Variants in MGAT4A observed in about 807,000 individuals in gnomAD.
MGAT4A encodes the protein N-acetylglucosaminyltransferase IVa.
MGAT4A carries 33 observed loss-of-function variants against 74.1 expected under a neutral mutation model. The observed-to-expected ratio is 0.45, with a 90% CI of 0.34 to 0.60. The LOEUF is 0.60. Among genes scored for constraint, MGAT4A ranks in the 20% least tolerant of loss-of-function variants. The probability of loss-of-function intolerance (pLI) is 0.02; values close to 1 mark genes in which losing one functional copy is unlikely to be tolerated. For synonymous variants in MGAT4A, 198 were observed against 210.4 expected (o/e 0.94, Z 0.51); for missense variants, 479 against 628.3 (o/e 0.76, Z 2.54).
rs1701008122 is a variant in MGAT4A at position 98,619,111 on chromosome 2, T to G, written c.*6455A>C. The G allele has an allele frequency of 6.5e-6, 1 of 152,702 alleles. No homozygotes were observed. The highest frequency in any genetic ancestry group is 1.9e-4 in the East Asian group (1 of 5,180). The allele number at this position is 152,702 out of a possible 1,614,324, so 9.5% of individuals were successfully genotyped here. On this transcript the variant is annotated 3_prime_UTR_variant, in exon 16 of 16. Transcript: ENST00000393487. ...TAATAATAAAATACTACTCATTAAGTTTCACCTATTTTTATTAGAAGGAAT... is the reference window on the plus strand; with the variant it reads ...TAATAATAAAATACTACTCATTAAGGTTCACCTATTTTTATTAGAAGGAAT...
Position 98,641,995 on chromosome 2 carries a change from C to CA in MGAT4A, c.1021-1768dup, listed in dbSNP as rs576834542. On this transcript the variant is annotated intron_variant, in intron 10 of 15. Transcript: ENST00000393487. The stretch of plus-strand genomic sequence containing the variant: ...GGGTGACAAGAGCAAAACTCTGTCT[C>CA]AAAAAAAAAAAAAAAAGAAATTTAC... Among the ~76,000 whole-genome samples the CA allele has an allele frequency of 9.6e-3, 682 of 70,678 alleles. 2 individuals carry two copies. Among genetic ancestry groups the CA allele is most frequent in the African/African-American group, 0.02 (392 of 19,218 alleles). The allele number at this position is 70,678 out of a possible 152,430, so 46.4% of individuals were successfully genotyped here. A position where few individuals can be genotyped will look rare whatever the true frequency, so the allele number is the denominator to read the frequency against.
rs942895631 is a variant in MGAT4A, at chr2:98,623,456, G to C, written c.*2110C>G. On this transcript the variant is annotated 3_prime_UTR_variant, in exon 16 of 16. Transcript: ENST00000393487. ...CCACCTGCAGAGATTTTTACTTCTGGTACTCAGTTATCTTTGCAGTAATTT... is the reference window on the plus strand; with the variant it reads ...CCACCTGCAGAGATTTTTACTTCTGCTACTCAGTTATCTTTGCAGTAATTT... 1 of 985,390 alleles carries C rather than the reference G, an allele frequency of 1.0e-6. No homozygotes were observed. Among genetic ancestry groups the C allele is most frequent in the Non-Finnish European group, 1.2e-6 (1 of 829,912 alleles). The allele number at this position is 985,390 out of a possible 1,614,324, so 61.0% of individuals were successfully genotyped here. A position where few individuals can be genotyped will look rare whatever the true frequency, so the allele number is the denominator to read the frequency against.
At chr2:98,650,630 ATAT>A (rs1424269127) in intron 8 of MGAT4A, among the ~76,000 whole-genome samples, 1 of 152,182 alleles carries the variant, frequency 6.6e-6, no homozygotes, top group African/African-American at 2.4e-5. Context: ...CCAGCCAAGA[ATAT>A]TATATCTGAC....
At chr2:98,663,438 C>A in intron 4 of MGAT4A, 1 of 1,486,018 alleles carries the variant, frequency 6.7e-7, no homozygotes, top group East Asian at 2.5e-5. Flanking sequence ...AAATGAATGG[C>A]TGCGAAGTAT....
At chr2:98,634,279 G>A (rs1244256327) in intron 14 of MGAT4A, among the ~76,000 whole-genome samples, 1 of 152,130 alleles carries the variant, frequency 6.6e-6, no homozygotes, top group Non-Finnish European at 1.5e-5. Flanking sequence ...TGAAGAGCAG[G>A]GAAGCGAGGC....
chr2:98,678,248 A>G (rs1317763282), intron 3 of MGAT4A, 56 bp downstream of exon 3: 1 of 379,578 alleles, frequency 2.6e-6, no homozygotes, highest in East Asian at 1.0e-4. Context: ...AAAAAAAAAA[A>G]AATATATATA....
At chr2:98,681,982 G>C (rs1372158863) in intron 2 of MGAT4A, among the ~76,000 whole-genome samples, 1 of 152,054 alleles carries the variant, frequency 6.6e-6, no homozygotes, top group South Asian at 2.1e-4. Context: ...AATATCGATG[G>C]TAATGGATTA....
intron 2 of MGAT4A, among the ~76,000 whole-genome samples, chr2:98,715,759 T>C (rs1283633708): frequency 1.3e-5 from 2 of 152,144 alleles, no homozygotes; most frequent in Admixed American, 6.5e-5. Context: ...ATGCAACAGA[T>C]CTGCACTTGT....
In MGAT4A at chr2:98,719,207, A is replaced by G. The variant is rs967789801; in HGVS notation, c.94+7032T>C. 3.3e-5 allele frequency among the ~76,000 whole-genome samples: 5 copies of G among 152,280 alleles called. No individual in the cohort carries two copies. The South Asian group carries it at 8.3e-4, about 25-fold the overall frequency. ...ATATCGGACACTGACCTTAGAAACT[A>G]TTTCTTCAAAGGAATCACAATTTTA... On this transcript the variant is annotated intron_variant, in intron 2 of 15. Coordinates refer to ENST00000393487, the MANE Select transcript of MGAT4A (RefSeq NM_012214.3).
intron 4 of MGAT4A, among the ~76,000 whole-genome samples, chr2:98,667,512 A>G (rs888565679): frequency 1.3e-5 from 2 of 152,212 alleles, no homozygotes; most frequent in African/African-American, 4.8e-5. Flanking sequence ...GGAACTTGTT[A>G]GGCACTGGAG....
intron 2 of MGAT4A, among the ~76,000 whole-genome samples, chr2:98,688,036 G>T (rs1702150874): frequency 6.6e-6 from 1 of 152,154 alleles, no homozygotes; most frequent in Non-Finnish European, 1.5e-5. Flanking sequence ...CTGATGATGA[G>T]ACAGGTGAGG....
chr2:98,655,386 T>C, intron 8 of MGAT4A, 59 bp downstream of exon 8: 2 of 1,306,998 alleles, frequency 1.5e-6, no homozygotes, highest in Non-Finnish European at 2.2e-6. Flanking sequence ...AATGAAAACA[T>C]ACCCTTGATA....
At chr2:98,642,965 A>C (rs187316077) in intron 10 of MGAT4A, among the ~76,000 whole-genome samples, 459 of 152,326 alleles carry the variant, frequency 3.0e-3, no homozygotes, top group Non-Finnish European at 4.2e-3. Context: ...AAGGTCATGA[A>C]GTCAAACTAA....
chr2:98,681,442 A>G (rs1049806009), intron 2 of MGAT4A, among the ~76,000 whole-genome samples: 9 of 152,188 alleles, frequency 5.9e-5, no homozygotes, highest in Non-Finnish European at 1.2e-4. Flanking sequence ...TCAGAACCAT[A>G]TATGTTATAT....
intron 14 of MGAT4A, among the ~76,000 whole-genome samples, chr2:98,631,584 G>A (rs1368448802): frequency 6.6e-6 from 1 of 152,246 alleles, no homozygotes; most frequent in Non-Finnish European, 1.5e-5. Context: ...CACACCCGCG[G>A]ATGCTGGCAG....
At chr2:98,685,951 A>G (rs2104297726) in intron 2 of MGAT4A, among the ~76,000 whole-genome samples, 1 of 152,296 alleles carries the variant, frequency 6.6e-6, no homozygotes, top group South Asian at 2.1e-4. Flanking sequence ...ATGTAGTTCT[A>G]GTCTACCAGT....
intron 2 of MGAT4A, among the ~76,000 whole-genome samples, chr2:98,705,373 C>A (rs1236665683): frequency 6.6e-6 from 1 of 152,176 alleles, no homozygotes; most frequent in African/African-American, 2.4e-5. Context: ...CATTCAGGTT[C>A]CTTGTTCCAC....
intron 3 of MGAT4A, 144 bp from the exon 4 acceptor site, chr2:98,675,319 T>C: frequency 1.6e-6 from 1 of 623,340 alleles, no homozygotes; most frequent in Non-Finnish European, 2.7e-6. Context: ...AGATCTCCAT[T>C]TAAGATGAAA....
At chr2:98,663,441 C>T (rs771728304) in intron 4 of MGAT4A, 28 of 1,479,266 alleles carry the variant, frequency 1.9e-5, no homozygotes, top group South Asian at 2.8e-5. Context: ...TGAATGGCTG[C>T]GAAGTATAAA....
Sources: gnomAD v4.1 joint callset for allele counts (sites outside exome capture counted in the v4.1 genomes callset) on GRCh38, gnomAD v4.1.1 for gene constraint, MANE v1.5 for transcripts, NCBI Gene and HGNC (gene_info 2026-07-23, HGNC 2026-07-21) for gene names.